Variants in ZFR observed in about 807,000 individuals in gnomAD.
The protein encoded by ZFR is zinc finger RNA binding protein.
In ZFR, 19 loss-of-function variants were observed where a neutral mutation model predicts 130.7. The observed-to-expected ratio is 0.15, with a 90% CI of 0.10 to 0.21. ZFR has a LOEUF of 0.21. Ranked by LOEUF, ZFR falls within the 10% of genes least tolerant of loss-of-function variation. The probability of loss-of-function intolerance (pLI) is 1.00; values close to 1 mark genes in which losing one functional copy is unlikely to be tolerated. For missense variants in ZFR, 872 were observed against 1,321.5 expected (o/e 0.66, Z 5.27); for synonymous variants, 466 against 456.9 (o/e 1.02, Z -0.25).
chr5:32,390,121 C>T (rs1753131215), intron 12 of ZFR, among the ~76,000 whole-genome samples, 154 bp downstream of exon 12: 1 of 152,228 alleles, frequency 6.6e-6, no homozygotes, highest in African/African-American at 2.4e-5. Flanking sequence ...CGCCACTGCA[C>T]TCCAGCCTGG....
rs1752903108 is a variant in ZFR, at chr5:32,380,107, G to A, written c.2707C>T (p.Leu903=). ...CACTTAGCGTGGCGTAGAGCAGCCAGAGCGTCAAGGCATTTTTGCCTGTCC... is the reference window on the plus strand; with the variant it reads ...CACTTAGCGTGGCGTAGAGCAGCCAAAGCGTCAAGGCATTTTTGCCTGTCC... ...VLDRQKCLDA[L]AALRHAKWFQ... is the part of the protein sequence containing the mutation. The change falls in exon 16 of 20, where the codon CTG becomes TTG. Residue 903 remains leucine (L), a synonymous_variant. Transcript: ENST00000265069. 6.2e-7 allele frequency: 1 copy of A among 1,614,118 alleles called. No individual in the cohort carries two copies. Among genetic ancestry groups the A allele is most frequent in the Non-Finnish European group, 8.5e-7 (1 of 1,179,964 alleles).
chr5:32,399,247 C>T (rs1171038236), intron 9 of ZFR, among the ~76,000 whole-genome samples: 1 of 151,098 alleles, frequency 6.6e-6, no homozygotes, highest in East Asian at 2.0e-4. Context: ...TACACTCCAG[C>T]CTGGGTGGCA....
rs202061143 is a variant in ZFR, at chr5:32,387,591, T to C, written c.2457A>G (p.Thr819=). The C allele has an allele frequency of 3.7e-5, 60 of 1,613,496 alleles. No homozygotes were observed. In the Middle Eastern group the frequency reaches 5.0e-4, roughly 13 times the overall value. ...GGTTTTCTGCAATACGGCTTAATAA[T>C]GTCTTTGAAGGTTTCTCTGAGCACA... ...VLLCSEKPSK[T]LLSRIAENLP... is the part of the protein sequence containing the mutation. The change falls in exon 14 of 20, where the codon ACA becomes ACG. Residue 819 remains threonine (T), a synonymous_variant. Transcript: ENST00000265069.
At chr5:32,420,149 C>T (rs1051403297) in intron 2 of ZFR, 46 bp from the exon 3 acceptor site, 1 of 1,397,990 alleles carries the variant, frequency 7.2e-7, no homozygotes, top group South Asian at 1.9e-5. Flanking sequence ...TTTTAATATC[C>T]AGGAGTTAAC....
At chr5:32,408,147 T>C (rs575886159) in intron 5 of ZFR, among the ~76,000 whole-genome samples, 8 of 152,212 alleles carry the variant, frequency 5.3e-5, no homozygotes, top group East Asian at 3.9e-4. Flanking sequence ...AATATTAAGC[T>C]TAACTTGGTG....
chr5:32,391,905 C>T (rs754923877), intron 11 of ZFR, among the ~76,000 whole-genome samples: 12 of 151,920 alleles, frequency 7.9e-5, no homozygotes, highest in Admixed American at 2.0e-4. Flanking sequence ...AGCTAATTTT[C>T]GTATTTTTTG....
At chr5:32,404,436 T>C (rs554722603) in intron 6 of ZFR, among the ~76,000 whole-genome samples, 1 of 152,310 alleles carries the variant, frequency 6.6e-6, no homozygotes, top group East Asian at 1.9e-4. Flanking sequence ...AAAGAAATTA[T>C]ATTTAGTTAC....
rs763271836 is a variant in ZFR, at chr5:32,403,309, G to C, written c.1313C>G (p.Ser438Cys). ...AGGAGAGGCAGTCGGCTTTGAAGCA[G>C]ATACAGCTGTTGAAGAAGTAGCTTG... ...VSQATSSTAV[S>C]ASKPTASPSS... Residue 438 changes from serine to cysteine, a missense_variant, in exon 8 of 20, where the codon TCT becomes TGT. By Grantham distance (112) the Ser-to-Cys change is moderately radical. This residue lies in a region of ZFR where 143 missense variants were observed against 137.9 expected (regional missense o/e 1.04). Coordinates refer to ENST00000265069, the MANE Select transcript of ZFR (RefSeq NM_016107.5). The C allele has an allele frequency of 1.9e-6, 3 of 1,614,218 alleles. No individual in the cohort carries two copies. The highest frequency in any genetic ancestry group is 2.5e-6 in the Non-Finnish European group (3 of 1,180,034).
intron 5 of ZFR, among the ~76,000 whole-genome samples, chr5:32,412,533 C>T (rs114367639): frequency 0.012 from 1,761 of 152,304 alleles, 32 homozygotes; most frequent in African/African-American, 0.041. Context: ...CATACATACA[C>T]CAAATACATA....
intron 17 of ZFR, among the ~76,000 whole-genome samples, chr5:32,377,309 T>G (rs568098663): frequency 3.3e-5 from 5 of 151,456 alleles, no homozygotes; most frequent in African/African-American, 1.2e-4. Flanking sequence ...CTCGGCTCAC[T>G]GCAACCTCTG....
At chr5:32,439,559 T>C (rs1321867793) in intron 2 of ZFR, among the ~76,000 whole-genome samples, 1 of 152,202 alleles carries the variant, frequency 6.6e-6, no homozygotes, top group Admixed American at 6.5e-5. Context: ...GACTGGCAGA[T>C]GCTTAAGGTA....
intron 2 of ZFR, among the ~76,000 whole-genome samples, chr5:32,433,615 T>C (rs1188199835): frequency 2.0e-5 from 3 of 152,242 alleles, no homozygotes; most frequent in African/African-American, 7.2e-5. Flanking sequence ...GCCATCTTCT[T>C]TACTCCCTAC....
At position 32,367,255 on chromosome 5, in the gene ZFR, G is replaced by A. The variant is rs148244722; in HGVS notation, c.2836-2980C>T. ...TTGAGACCAGCCTGCCCAACATGGC[G>A]AAATCCTGTCTCTACCAAAAACACA... On this transcript the variant is annotated intron_variant, in intron 17 of 19. Coordinates refer to ENST00000265069, the MANE Select transcript of ZFR (RefSeq NM_016107.5). Among the ~76,000 whole-genome samples the A allele has an allele frequency of 1.4e-3, 208 of 151,892 alleles. 2 individuals carry two copies. The highest frequency in any genetic ancestry group is 4.7e-3 in the African/African-American group (195 of 41,456).
intron 2 of ZFR, among the ~76,000 whole-genome samples, chr5:32,436,926 G>A (rs1041556877): frequency 6.6e-6 from 1 of 152,144 alleles, no homozygotes; most frequent in Non-Finnish European, 1.5e-5. Context: ...TACATGTGCA[G>A]TTTTCCTATG....
chr5:32,430,035 T>C (rs1458351926), intron 2 of ZFR, among the ~76,000 whole-genome samples: 2 of 142,116 alleles, frequency 1.4e-5, no homozygotes, highest in Non-Finnish European at 3.0e-5. Context: ...TCCTGGGTGA[T>C]GTTGCCTGGG....
intron 9 of ZFR, 60 bp from the exon 10 acceptor site, chr5:32,397,398 C>G (rs776546513): frequency 4.5e-6 from 7 of 1,568,674 alleles, no homozygotes; most frequent in Non-Finnish European, 6.1e-6. Flanking sequence ...ATTCATAAAC[C>G]CCCACATATT....
At chr5:32,422,672 T>G (rs1396958594) in intron 2 of ZFR, among the ~76,000 whole-genome samples, 1 of 151,416 alleles carries the variant, frequency 6.6e-6, no homozygotes. Context: ...TGGTAGTGTG[T>G]GCCTGTAGTC....
At chr5:32,390,009 A>T (rs1297511828) in intron 12 of ZFR, among the ~76,000 whole-genome samples, 1 of 152,146 alleles carries the variant, frequency 6.6e-6, no homozygotes, top group African/African-American at 2.4e-5. Context: ...AAATTAGCCA[A>T]GTGTGTTGGT....
chr5:32,356,281 G>A (rs1752305375), intron 19 of ZFR, among the ~76,000 whole-genome samples: 1 of 152,144 alleles, frequency 6.6e-6, no homozygotes, highest in African/African-American at 2.4e-5. Flanking sequence ...TTAACAGAAT[G>A]GTTGCTGATG....
Sources: allele counts gnomAD v4.1 joint callset (sites outside exome capture counted in the v4.1 genomes callset), GRCh38; gene constraint gnomAD v4.1.1; regional missense constraint gnomAD v4.1.1; transcripts MANE v1.5; gene names NCBI Gene and HGNC (gene_info 2026-07-23, HGNC 2026-07-21).